The following TENM4 variants were observed in gnomAD, a reference collection of about 807,000 sequenced individuals.
TENM4 encodes teneurin-4.
In TENM4, 82 loss-of-function variants were observed where a neutral mutation model predicts 243.3. The observed-to-expected ratio is 0.34, with a 90% confidence interval of 0.28 to 0.40. The LOEUF is 0.40. TENM4 is among the 10% of genes least tolerant of loss of function. The pLI, the probability that TENM4 is intolerant of heterozygous loss-of-function variation, is 1.00. For missense variants in TENM4, 3,138 were observed against 3,673.3 expected, an observed-to-expected ratio of 0.85 and a Z score of 3.77; for synonymous variants, 1,412 against 1,456.3, an observed-to-expected ratio of 0.97 and a Z score of 0.69.
chr11:78,913,279 G>A (rs1856232810), intron 6 of TENM4, among the ~76,000 whole-genome samples: 1 of 152,020 alleles, frequency 6.6e-6, no homozygotes, highest in South Asian at 2.1e-4. Flanking sequence ...CCTTGTCCTC[G>A]ATACTGGAGA....
At chr11:79,377,723 G>A (rs1319003956) in intron 1 of TENM4, among the ~76,000 whole-genome samples, 1 of 152,158 alleles carries the variant, frequency 6.6e-6, no homozygotes, top group Non-Finnish European at 1.5e-5. Context: ...GGGAAGTACT[G>A]GACAGCATTC....
chr11:78,957,363 C>CA (rs1857227997), intron 6 of TENM4, among the ~76,000 whole-genome samples: 1 of 152,158 alleles, frequency 6.6e-6, no homozygotes, highest in South Asian at 2.1e-4. Context: ...TGAAAGAAGA[C>CA]AAAAATCTCA....
chr11:79,383,521 T>C (rs572260281), intron 1 of TENM4, among the ~76,000 whole-genome samples: 1 of 152,326 alleles, frequency 6.6e-6, no homozygotes. Flanking sequence ...GCTGCGATAT[T>C]TCAGGCCCAT....
chr11:78,971,165 AG>A (rs145069140), intron 6 of TENM4, among the ~76,000 whole-genome samples: 4,910 of 152,210 alleles, frequency 0.032, 98 homozygotes, highest in African/African-American at 0.051. Flanking sequence ...TCGGGATCAT[AG>A]GTGTGAGCCA....
At chr11:79,327,061 A>C (rs894610014) in intron 1 of TENM4, among the ~76,000 whole-genome samples, 1 of 152,206 alleles carries the variant, frequency 6.6e-6, no homozygotes, top group African/African-American at 2.4e-5. Flanking sequence ...GAACTGAGTG[A>C]TACTCAGGAC....
At chr11:79,411,450 C>T (rs768872691) in intron 1 of TENM4, among the ~76,000 whole-genome samples, 1 of 152,182 alleles carries the variant, frequency 6.6e-6, no homozygotes, top group African/African-American at 2.4e-5. Context: ...AAGCGATTTG[C>T]TCTCCAGCGT....
Position 78,812,232 on chromosome 11 carries a change from C to T in TENM4, c.1868G>A (p.Cys623Tyr). ...GATACACTGGTTGGTGGGCACATCG[C>T]ACTCAGCGCCTTTCCAGCCACTGTG... ...LCHSGWKGAE[C>Y]DVPTNQCIDV... is the part of the protein sequence containing the mutation. The change falls in exon 14 of 34, where the codon TGC becomes TAC. Residue 623 changes from cysteine (C) to tyrosine (Y), a missense_variant. Around this residue, in one of 2 missense-constraint regions of TENM4, gnomAD observed 2,467 missense variants for 3,059.1 expected, o/e 0.81. Transcript: ENST00000278550. 1 of 1,551,992 alleles carries T rather than the reference C, an allele frequency of 6.4e-7. No individual in the cohort carries two copies.
chr11:78,778,427 C>T (rs919645312), intron 17 of TENM4, among the ~76,000 whole-genome samples, 175 bp downstream of exon 17: 9 of 152,094 alleles, frequency 5.9e-5, no homozygotes, highest in East Asian at 1.9e-4. Context: ...ACCTTGTGAC[C>T]GAAAACCCAT....
intron 4 of TENM4, among the ~76,000 whole-genome samples, chr11:79,126,675 T>A (rs2137147801): frequency 6.6e-6 from 1 of 152,258 alleles, no homozygotes; most frequent in South Asian, 2.1e-4. Context: ...AAGACTAATT[T>A]GAATAATAAA....
chr11:78,787,064 A>G lies in TENM4; in HGVS notation c.2199T>C (p.Cys733=). The G allele has an allele frequency of 6.5e-7, 1 of 1,548,492 alleles. No homozygotes were observed. Among genetic ancestry groups the G allele is most frequent in the Non-Finnish European group, 8.7e-7 (1 of 1,145,222 alleles). The part of the protein sequence containing the change: ...DCSIEICAAD[C]GGHGVCVGGT... ...CCCCTACGCACACGCCATGGCCACCACAGTCGGCAGCACAGATCTCTGTGG... is the reference window on the plus strand; with the variant it reads ...CCCCTACGCACACGCCATGGCCACCGCAGTCGGCAGCACAGATCTCTGTGG... The change falls in exon 16 of 34, where the codon TGT becomes TGC. Residue 733 remains cysteine, a synonymous_variant. Coordinates refer to ENST00000278550, the MANE Select transcript of TENM4 (RefSeq NM_001098816.3).
chr11:79,209,343 T>C (rs1281131440), intron 3 of TENM4, among the ~76,000 whole-genome samples: 1 of 152,238 alleles, frequency 6.6e-6, no homozygotes, highest in East Asian at 1.9e-4. Flanking sequence ...CTTCTGTGGC[T>C]GTCTGCTGCT....
chr11:79,097,877 T>A (rs1861123489), intron 4 of TENM4: 2 of 151,954 alleles, frequency 1.3e-5, no homozygotes, highest in Admixed American at 1.3e-4. Flanking sequence ...TAAGAAGCCT[T>A]GATAAATTAC....
intron 2 of TENM4, among the ~76,000 whole-genome samples, chr11:79,246,682 C>G (rs1855522244): frequency 6.6e-6 from 1 of 152,052 alleles, no homozygotes; most frequent in Admixed American, 6.5e-5. Flanking sequence ...TTGGATGATT[C>G]TATTTGTATG....
At chr11:79,189,462 G>C (rs1863437772) in intron 3 of TENM4, among the ~76,000 whole-genome samples, 1 of 152,126 alleles carries the variant, frequency 6.6e-6, no homozygotes, top group African/African-American at 2.4e-5. Context: ...GTTCTTTTCT[G>C]GTTCCCAGGC....
chr11:78,855,678 T>A (rs1433464785), intron 11 of TENM4, among the ~76,000 whole-genome samples: 2 of 152,130 alleles, frequency 1.3e-5, no homozygotes, highest in Non-Finnish European at 2.9e-5. Context: ...AACTGCATGC[T>A]TTTTTCTCTA....
At chr11:78,799,460 G>C (rs747612996) in intron 15 of TENM4, among the ~76,000 whole-genome samples, 4 of 152,174 alleles carry the variant, frequency 2.6e-5, no homozygotes, top group Non-Finnish European at 4.4e-5. Context: ...AGAGTCTAAG[G>C]ACTGTTTGGA....
chr11:79,057,062 C>A (rs1023938029), intron 6 of TENM4, among the ~76,000 whole-genome samples: 6 of 152,184 alleles, frequency 3.9e-5, no homozygotes, highest in African/African-American at 1.4e-4. Flanking sequence ...GAACTACAAC[C>A]CTTGCCCATT....
At chr11:79,205,133 A>G (rs1419135914) in intron 3 of TENM4, among the ~76,000 whole-genome samples, 1 of 152,124 alleles carries the variant, frequency 6.6e-6, no homozygotes, top group African/African-American at 2.4e-5. Context: ...AGTTACTTGC[A>G]ATATCTTTCT....
At chr11:78,871,426 G>A (rs1369902581) in intron 9 of TENM4, among the ~76,000 whole-genome samples, 1 of 152,130 alleles carries the variant, frequency 6.6e-6, no homozygotes, top group Non-Finnish European at 1.5e-5. Context: ...CCTGGGGAGT[G>A]AGAAGCCTGA....
Sources: allele counts gnomAD v4.1 joint callset (sites outside exome capture counted in the v4.1 genomes callset), GRCh38; gene constraint gnomAD v4.1.1; regional missense constraint gnomAD v4.1.1; transcripts MANE v1.5; gene names NCBI Gene and HGNC (gene_info 2026-07-23, HGNC 2026-07-21).